The following UBN2 variants were observed in gnomAD, a reference collection of about 807,000 sequenced individuals.
UBN2 encodes ubinuclein-2.
In UBN2, 35 loss-of-function variants were observed where a neutral mutation model predicts 120.2. The observed-to-expected ratio is 0.29, with a 90% CI of 0.22 to 0.39. UBN2 has a LOEUF of 0.39. Ranked by LOEUF, UBN2 falls within the 10% of genes least tolerant of loss-of-function variation. UBN2 has a pLI of 1.00. For synonymous variants in UBN2, 661 were observed against 648.7 expected, an observed-to-expected ratio of 1.02 and a Z score of -0.29; for missense variants, 1,693 against 1,663.2, an observed-to-expected ratio of 1.02 and a Z score of -0.31.
chr7:139,286,349 T>A (rs897197235), intron 15 of UBN2, among the ~76,000 whole-genome samples: 4 of 152,146 alleles, frequency 2.6e-5, no homozygotes, highest in African/African-American at 9.7e-5. Flanking sequence ...CAGGCATGAG[T>A]CACTGCGCCG....
chr7:139,298,176 G>A lies in UBN2; in HGVS notation c.*340G>A. 8.1e-6 allele frequency: 2 copies of A among 246,154 alleles called. No homozygotes were observed. The highest frequency in any genetic ancestry group is 2.2e-5 in the African/African-American group (1 of 44,666). 15.2% of individuals were successfully genotyped at this position (246,154 alleles called of 1,614,324 possible). ...GGAAGAAGGAAGTGAAGAGAATTTG[G>A]GTAAACTCCATCCATCCTGGGGGTT... is the stretch of plus-strand genomic sequence containing the variant. On this transcript the variant is annotated 3_prime_UTR_variant, in exon 18 of 18. Coordinates refer to ENST00000473989, the MANE Select transcript of UBN2 (RefSeq NM_173569.4).
chr7:139,328,306 CT>C, the UBN2 span, among the ~76,000 whole-genome samples: 1 of 152,250 alleles, frequency 6.6e-6, no homozygotes, highest in Non-Finnish European at 1.5e-5. Context: ...AAGTGCCACA[CT>C]TTTAAACCAT....
chr7:139,321,197 G>A, the UBN2 span, among the ~76,000 whole-genome samples: 138 of 152,316 alleles, frequency 9.1e-4, 1 homozygote, highest in African/African-American at 3.2e-3. Context: ...TGCTGAGATT[G>A]TAAAACTGTT....
rs1796008846 is a variant in UBN2 at position 139,231,543 on chromosome 7, C to T, written c.59C>T (p.Ala20Val). Residue 20 changes from alanine (A) to valine (V), a missense_variant, in exon 1 of 18, where the codon GCC (alanine) becomes GTC (valine). Ala to Val is a moderately conservative substitution (Grantham distance 64). This residue lies in a region of UBN2 where 663 missense variants were observed against 591.2 expected (regional missense o/e 1.12). Transcript: ENST00000473989. ...ISLSPVRRRE[A>V]EYPGPEREPE... is the part of the protein sequence containing the mutation. Reference sequence around the variant, plus strand: ...TTGTCACCGGTGCGGCGGCGCGAGGCCGAGTACCCGGGGCCCGAGCGTGAG... The same window carrying T: ...TTGTCACCGGTGCGGCGGCGCGAGGTCGAGTACCCGGGGCCCGAGCGTGAG... 1 of 1,425,480 alleles carries T rather than the reference C, an allele frequency of 7.0e-7. No individual in the cohort carries two copies. Among genetic ancestry groups the T allele is most frequent in the African/African-American group, 1.5e-5 (1 of 68,014 alleles). The allele number at this position is 1,425,480 out of a possible 1,614,324, so 88.3% of individuals were successfully genotyped here.
rs540672066 is a variant in UBN2 at position 139,260,356 on chromosome 7, C to T, written c.906-896C>T. Among the ~76,000 whole-genome samples, 21 of 152,174 alleles carry T rather than the reference C, an allele frequency of 1.4e-4. No individual in the cohort carries two copies. The South Asian group carries it at 2.5e-3, about 18-fold the overall frequency. On this transcript the variant is annotated intron_variant, in intron 5 of 17. Transcript: ENST00000473989. ...CAAGTGATTCACCAGCCTCAGCCTC[C>T]GAAAGTGCTGAGATTACAGGCATGA...
intron 17 of UBN2, among the ~76,000 whole-genome samples, chr7:139,295,566 T>C (rs1798086790): frequency 6.6e-6 from 1 of 152,204 alleles, no homozygotes; most frequent in Non-Finnish European, 1.5e-5. Context: ...GCACTGCTAT[T>C]CCGAGGGGAG....
At chr7:139,249,093 A>G (rs1264871327) in intron 2 of UBN2, among the ~76,000 whole-genome samples, 1 of 151,722 alleles carries the variant, frequency 6.6e-6, no homozygotes, top group Non-Finnish European at 1.5e-5. Flanking sequence ...AAGGATTGTC[A>G]TTGTTCTGGG....
chr7:139,264,533 T>C (rs1167473756), intron 6 of UBN2, among the ~76,000 whole-genome samples: 1 of 152,198 alleles, frequency 6.6e-6, no homozygotes, highest in African/African-American at 2.4e-5. Flanking sequence ...ATGTGGGGGT[T>C]GATCACACGA....
intron 11 of UBN2, among the ~76,000 whole-genome samples, chr7:139,275,047 G>A (rs1797400686): frequency 6.6e-6 from 1 of 152,082 alleles, no homozygotes; most frequent in Non-Finnish European, 1.5e-5. Context: ...GGAGGCCGAG[G>A]CTGGTGGATC....
At chr7:139,313,405 C>G in the UBN2 span, among the ~76,000 whole-genome samples, 1 of 152,128 alleles carries the variant, frequency 6.6e-6, no homozygotes, top group Non-Finnish European at 1.5e-5. Context: ...ATTGTTGGTA[C>G]TAAGGAATGC....
Position 139,258,416 on chromosome 7 carries a change from A to T in UBN2, c.664-72A>T, listed in dbSNP as rs1016267727. The T allele has an allele frequency of 1.4e-5, 17 of 1,246,642 alleles. No individual in the cohort carries two copies. The African/African-American group carries it at 2.0e-4, about 15-fold the overall frequency. 77.2% of individuals were successfully genotyped at this position (1,246,642 alleles called of 1,614,324 possible). On this transcript the variant is annotated intron_variant, in intron 3 of 17. Transcript: ENST00000473989. ...TTTAAGGGAGATGCTGCCATGGTGG[A>T]TGAATTTCTTTGACATTTATAGAGT...
the UBN2 span, among the ~76,000 whole-genome samples, chr7:139,319,501 G>A: frequency 6.6e-6 from 1 of 152,180 alleles, no homozygotes. Context: ...CTCACCTGTG[G>A]TCCCAGCTAC....
chr7:139,247,033 G>A (rs1160841251), intron 2 of UBN2, among the ~76,000 whole-genome samples: 2 of 152,062 alleles, frequency 1.3e-5, no homozygotes, highest in Non-Finnish European at 2.9e-5. Context: ...GAGAGTGCAA[G>A]TCTGTGTGTG....
chr7:139,317,727 G>A, the UBN2 span, among the ~76,000 whole-genome samples: 1 of 151,702 alleles, frequency 6.6e-6, no homozygotes, highest in Non-Finnish European at 1.5e-5. Flanking sequence ...CAGTGGCACA[G>A]TCTTGGCTCA....
intron 11 of UBN2, among the ~76,000 whole-genome samples, chr7:139,275,269 C>A (rs1797407660): frequency 7.4e-6 from 1 of 135,180 alleles, no homozygotes; most frequent in African/African-American, 2.8e-5. Flanking sequence ...AAGAGCAAAA[C>A]TCTGTCTCAA....
At chr7:139,280,993 T>C (rs756256026) in intron 13 of UBN2, among the ~76,000 whole-genome samples, 8 of 152,214 alleles carry the variant, frequency 5.3e-5, no homozygotes, top group Non-Finnish European at 1.0e-4. Flanking sequence ...ATCCAAATAA[T>C]ATTGAGCCAA....
At chr7:139,265,137 CTT>C (rs1797056960) in intron 6 of UBN2, among the ~76,000 whole-genome samples, 4 of 152,170 alleles carry the variant, frequency 2.6e-5, no homozygotes, top group Admixed American at 2.6e-4. Flanking sequence ...TCTAAAGACT[CTT>C]AATCTTGATG....
At chr7:139,297,696 G>T in intron 17 of UBN2, 91 bp from the exon 18 acceptor site, 1 of 1,191,682 alleles carries the variant, frequency 8.4e-7, no homozygotes, top group East Asian at 2.4e-5. Flanking sequence ...ATCCACAAAA[G>T]ATAAAAGTTA....
rs1250039753 is a variant in UBN2 at position 139,297,841 on chromosome 7, C to G, written c.*5C>G. 1 of 1,614,030 alleles carries G rather than the reference C, an allele frequency of 6.2e-7. No homozygotes were observed. The highest frequency in any genetic ancestry group is 1.7e-5 in the Admixed American group (1 of 60,018). On this transcript the variant is annotated 3_prime_UTR_variant, in exon 18 of 18. Transcript: ENST00000473989. ...TTACCACGGAAATCTCAGTGACTGC[C>G]CAGCAAGCAAAGGAGACGAAATGTT... is the stretch of plus-strand genomic sequence containing the variant.
Sources: allele counts gnomAD v4.1 joint callset (sites outside exome capture counted in the v4.1 genomes callset), GRCh38; gene constraint gnomAD v4.1.1; regional missense constraint gnomAD v4.1.1; transcripts MANE v1.5; gene names NCBI Gene and HGNC (gene_info 2026-07-23, HGNC 2026-07-21).